ARAP2: variants seen among roughly 807,000 people sequenced by gnomAD.
ARAP2 encodes arf-GAP with Rho-GAP domain, ANK repeat and PH domain-containing protein 2.
Under a neutral mutation model 194.5 loss-of-function variants are expected in ARAP2, and 148 were observed. That is an observed-to-expected ratio of 0.76 (90% confidence interval 0.67 to 0.87). The LOEUF is 0.87. Ranked by LOEUF, ARAP2 falls within the 40% of genes least tolerant of loss-of-function variation. The pLI is 0.00. For missense variants in ARAP2, 2,128 were observed against 1,989.7 expected, an observed-to-expected ratio of 1.07 and a Z score of -1.32; for synonymous variants, 695 against 683.5, an observed-to-expected ratio of 1.02 and a Z score of -0.26.
At position 36,080,297 on chromosome 4, in the gene ARAP2, T is replaced by A. The variant is rs759217501; in HGVS notation, c.4545-18A>T. ...ACAGGTGCCTGCAAAACGAGGTTTA[T>A]AAACTATGTCATTCAAAAAGACAAT... On this transcript the variant is annotated intron_variant, in intron 30 of 32. Coordinates refer to ENST00000303965, the MANE Select transcript of ARAP2 (RefSeq NM_015230.4). The A allele has an allele frequency of 6.2e-7, 1 of 1,601,568 alleles. No homozygotes were observed.
intron 2 of ARAP2, among the ~76,000 whole-genome samples, chr4:36,226,483 C>A (rs950300881): frequency 6.6e-6 from 1 of 152,072 alleles, no homozygotes; most frequent in Non-Finnish European, 1.5e-5. Context: ...TCTGTACAGA[C>A]CTTGTTAAAA....
intron 12 of ARAP2, among the ~76,000 whole-genome samples, chr4:36,161,052 A>G (rs1025248827): frequency 2.0e-5 from 3 of 152,104 alleles, no homozygotes; most frequent in African/African-American, 7.2e-5. Context: ...TTAATGACAG[A>G]GTACGGCCAA....
intron 5 of ARAP2, among the ~76,000 whole-genome samples, chr4:36,020,739 G>C (rs1356989289): frequency 1.3e-5 from 2 of 152,218 alleles, no homozygotes; most frequent in African/African-American, 4.8e-5. Flanking sequence ...ACTGCAGAGT[G>C]GGTGATGGAA....
chr4:36,239,920 C>A (rs1011473817), intron 1 of ARAP2, among the ~76,000 whole-genome samples: 2 of 152,096 alleles, frequency 1.3e-5, no homozygotes, highest in Admixed American at 6.5e-5. Flanking sequence ...TATGGTAACA[C>A]CACATTCGTG....
At chr4:36,206,796 A>G (rs945164379) in intron 6 of ARAP2, among the ~76,000 whole-genome samples, 1 of 152,206 alleles carries the variant, frequency 6.6e-6, no homozygotes, top group African/African-American at 2.4e-5. Context: ...TTAACCTCAC[A>G]TGATCAACTT....
downstream of ARAP2, among the ~76,000 whole-genome samples, chr4:36,064,735 C>G (rs536318666): frequency 6.6e-6 from 1 of 152,176 alleles, no homozygotes; most frequent in Non-Finnish European, 1.5e-5. Flanking sequence ...GGCTGAAGTC[C>G]ATGGACCCAG....
intron 27 of ARAP2, 94 bp downstream of exon 27, chr4:36,107,471 T>G: frequency 2.2e-6 from 3 of 1,336,642 alleles, no homozygotes; most frequent in Non-Finnish European, 3.0e-6. Flanking sequence ...GCTACTCGTT[T>G]TTCACATTTT....
chr4:36,193,039 C>T (rs1188735700), intron 7 of ARAP2, among the ~76,000 whole-genome samples: 1 of 152,088 alleles, frequency 6.6e-6, no homozygotes, highest in Non-Finnish European at 1.5e-5. Context: ...AATATTCATC[C>T]AACCATCTTG....
intron 2 of ARAP2, among the ~76,000 whole-genome samples, chr4:36,055,574 A>AT (rs1560331211): frequency 6.6e-6 from 1 of 151,606 alleles, no homozygotes; most frequent in Non-Finnish European, 1.5e-5. Flanking sequence ...TTATTTATTT[A>AT]TTTTTTTGAG....
chr4:36,060,261 G>A (rs1342034736), intron 1 of ARAP2, among the ~76,000 whole-genome samples: 1 of 152,152 alleles, frequency 6.6e-6, no homozygotes, highest in Non-Finnish European at 1.5e-5. Context: ...CAGATGTTAT[G>A]AAAGATAGGG....
intron 24 of ARAP2, among the ~76,000 whole-genome samples, chr4:36,118,239 T>C (rs569024831): frequency 3.9e-4 from 59 of 150,478 alleles, no homozygotes; most frequent in African/African-American, 1.4e-3. Flanking sequence ...CTTTTCACTA[T>C]GTTTGCATAA....
At chr4:36,214,392 T>C in intron 3 of ARAP2, 30 bp downstream of exon 3, 1 of 1,568,276 alleles carries the variant, frequency 6.4e-7, no homozygotes, top group Non-Finnish European at 8.7e-7. Flanking sequence ...TGAGCTCTAA[T>C]TTAAGGAGAC....
intron 6 of ARAP2, among the ~76,000 whole-genome samples, chr4:36,197,263 A>T (rs1743316995): frequency 6.6e-6 from 1 of 152,132 alleles, no homozygotes; most frequent in Non-Finnish European, 1.5e-5. Flanking sequence ...TACAGAATCC[A>T]TTTCTGTTTC....
intron 28 of ARAP2, among the ~76,000 whole-genome samples, chr4:36,084,628 C>T (rs1289184790): frequency 2.0e-5 from 3 of 152,050 alleles, no homozygotes; most frequent in Non-Finnish European, 2.9e-5. Context: ...TTACACCTCT[C>T]GCAATACTCA....
intron 27 of ARAP2, among the ~76,000 whole-genome samples, chr4:36,103,376 T>G (rs1270452708): frequency 6.6e-6 from 1 of 151,652 alleles, no homozygotes; most frequent in African/African-American, 2.4e-5. Context: ...TTACGCAACT[T>G]GAGATTATTT....
intron 3 of ARAP2, among the ~76,000 whole-genome samples, chr4:36,048,551 T>C (rs185614112): frequency 3.3e-5 from 5 of 152,186 alleles, no homozygotes; most frequent in Non-Finnish European, 7.4e-5. Context: ...CTTCCTTTTA[T>C]GGCTGCATAG....
At position 36,164,987 on chromosome 4, in the gene ARAP2, A is replaced by G; in HGVS notation, c.2100T>C (p.Cys700=). The G allele has an allele frequency of 1.2e-6, 2 of 1,614,140 alleles. No individual in the cohort carries two copies. Among genetic ancestry groups the G allele is most frequent in the East Asian group, 4.5e-5 (2 of 44,878 alleles). Residue 700 remains cysteine (C), a synonymous_variant, in exon 11 of 33, where the codon TGT becomes TGC. Coordinates refer to ENST00000303965, the MANE Select transcript of ARAP2 (RefSeq NM_015230.4). ...CAGGATCTGGGGCTTTACAATCTGC[A>G]CAGCTCCTGTTGGATTCATTGAACC... ...KIWFNESNRS[C]ADCKAPDPDW...
intron 2 of ARAP2, among the ~76,000 whole-genome samples, chr4:36,052,899 T>A (rs1043145410): frequency 1.3e-5 from 2 of 152,042 alleles, no homozygotes; most frequent in African/African-American, 4.8e-5. Flanking sequence ...ACCAGGGAGG[T>A]GGAGCTTACA....
At chr4:36,219,268 C>A (rs188687367) in intron 2 of ARAP2, among the ~76,000 whole-genome samples, 256 of 152,250 alleles carry the variant, frequency 1.7e-3, no homozygotes, top group African/African-American at 5.8e-3. Flanking sequence ...AGAATAACCA[C>A]CCAAATATAT....
Sources: gnomAD v4.1 joint callset for allele counts (sites outside exome capture counted in the v4.1 genomes callset) on GRCh38, gnomAD v4.1.1 for gene constraint, MANE v1.5 for transcripts, NCBI Gene and HGNC (gene_info 2026-07-23, HGNC 2026-07-21) for gene names.